FOCAD: variants seen among roughly 807,000 people sequenced by gnomAD.
The protein encoded by FOCAD is KIAA1797.
In FOCAD, 198 loss-of-function variants were observed where a neutral mutation model predicts 225.6. The observed-to-expected ratio is 0.88, with a 90% CI of 0.78 to 0.99. FOCAD has a LOEUF of 0.99. Ranked by LOEUF, FOCAD falls within the 50% of genes least tolerant of loss-of-function variation. The pLI is 0.00. For synonymous variants in FOCAD, 897 were observed against 755.0 expected (o/e 1.19, Z -3.08); for missense variants, 2,713 against 2,123.6 (o/e 1.28, Z -5.46).
At chr9:20,887,050 C>T (rs1037600455) in intron 21 of FOCAD, among the ~76,000 whole-genome samples, 7 of 152,118 alleles carry the variant, frequency 4.6e-5, no homozygotes, top group Non-Finnish European at 1.0e-4. Context: ...TCTAGAAATA[C>T]ATTTGGATTT....
intron 6 of FOCAD, among the ~76,000 whole-genome samples, chr9:20,760,189 T>A (rs1475100620): frequency 6.6e-6 from 1 of 152,212 alleles, no homozygotes; most frequent in Non-Finnish European, 1.5e-5. Flanking sequence ...CATGCTTAAG[T>A]CTCTGTGGCT....
chr9:20,748,293 T>A (rs902787425), intron 5 of FOCAD, among the ~76,000 whole-genome samples: 5 of 152,200 alleles, frequency 3.3e-5, no homozygotes, highest in Non-Finnish European at 5.9e-5. Flanking sequence ...TATAACTTTT[T>A]AAATTTTTTT....
intron 1 of FOCAD, 130 bp downstream of exon 1, chr9:20,684,423 G>A (rs1487304357): frequency 1.3e-5 from 2 of 152,586 alleles, no homozygotes; most frequent in Non-Finnish European, 2.9e-5. Context: ...GCTGAGCTGG[G>A]AGACGGGGCA....
rs762205186 is a variant in FOCAD, at chr9:20,986,442, G to A, written c.4883G>A (p.Arg1628Gln). The part of the protein sequence containing the change: ...WMILHSLYQA[R>Q]IVSHANTGVL... ...ATTCTGCACAGCTTATACCAGGCAC[G>A]GATTGTGAGCCATGCCAATACGGGT... The change falls in exon 40 of 44, where the codon CGG (arginine) becomes CAG (glutamine). Residue 1628 changes from arginine to glutamine, a missense_variant. Physicochemically the swap from Arg to Gln is conservative, Grantham distance 43 (BLOSUM62 1). Coordinates refer to ENST00000338382, the MANE Select transcript of FOCAD (RefSeq NM_001375567.1). The A allele has an allele frequency of 6.8e-6, 11 of 1,611,296 alleles. No homozygotes were observed. The highest frequency in any genetic ancestry group is 7.6e-6 in the Non-Finnish European group (9 of 1,179,134).
chr9:20,671,981 GTTT>G (rs79845693), intron 2 of FOCAD, among the ~76,000 whole-genome samples: 1 of 142,118 alleles, frequency 7.0e-6, no homozygotes, highest in East Asian at 2.0e-4. Context: ...AACCGTTGTA[GTTT>G]TTTTTTTTTT....
At chr9:20,820,164 C>T (rs1824163725) in intron 12 of FOCAD, 160 bp from the exon 13 acceptor site, 5 of 573,580 alleles carry the variant, frequency 8.7e-6, no homozygotes, top group African/African-American at 1.9e-5. Context: ...TATCTAGCCC[C>T]TCCAACGCTA....
At chr9:20,874,547 C>T in intron 18 of FOCAD, 134 bp from the exon 19 acceptor site, 1 of 790,056 alleles carries the variant, frequency 1.3e-6, no homozygotes. Flanking sequence ...AAATTAATTT[C>T]AGTGGTCTTT....
chr9:20,844,783 G>T (rs539386959), intron 15 of FOCAD, among the ~76,000 whole-genome samples: 2 of 152,036 alleles, frequency 1.3e-5, no homozygotes, highest in Non-Finnish European at 2.9e-5. Flanking sequence ...AGTAAAATTA[G>T]TATTATTAGT....
chr9:20,995,775 C>A lies in FOCAD; in HGVS notation c.*146C>A. The stretch of plus-strand genomic sequence containing the variant: ...GAAAAGATGGCCACATCACTGACAG[C>A]TTGACACATGCCTCCTAAGAGAGGA... On this transcript the variant is annotated 3_prime_UTR_variant, in exon 44 of 44. Coordinates refer to ENST00000338382, the MANE Select transcript of FOCAD (RefSeq NM_001375567.1). 2 of 620,334 alleles carry A rather than the reference C, an allele frequency of 3.2e-6. No individual in the cohort carries two copies. Among genetic ancestry groups the A allele is most frequent in the Non-Finnish European group, 5.6e-6 (2 of 359,380 alleles). 38.4% of individuals were successfully genotyped at this position (620,334 alleles called of 1,614,324 possible). A position where few individuals can be genotyped will look rare whatever the true frequency, so the allele number is the denominator to read the frequency against.
chr9:20,675,389 C>G (rs1822202983), intron 2 of FOCAD, among the ~76,000 whole-genome samples: 1 of 152,148 alleles, frequency 6.6e-6, no homozygotes, highest in African/African-American at 2.4e-5. Context: ...TTTTAAGGCA[C>G]AGTGGATTGT....
At chr9:20,754,329 A>C (rs1828845668) in intron 5 of FOCAD, among the ~76,000 whole-genome samples, 1 of 152,194 alleles carries the variant, frequency 6.6e-6, no homozygotes, top group Non-Finnish European at 1.5e-5. Context: ...TATCATACCC[A>C]AATTAGCATG....
intron 2 of FOCAD, among the ~76,000 whole-genome samples, chr9:20,671,511 A>G (rs934606797): frequency 1.3e-5 from 2 of 152,156 alleles, no homozygotes; most frequent in African/African-American, 2.4e-5. Context: ...GGAGAGCAGA[A>G]TATCTGTGTG....
chr9:20,845,600 T>C (rs1462401651), intron 15 of FOCAD, among the ~76,000 whole-genome samples: 1 of 151,872 alleles, frequency 6.6e-6, no homozygotes, highest in African/African-American at 2.4e-5. Context: ...AGAGCTAAAC[T>C]GTAGCACATA....
intron 1 of FOCAD, among the ~76,000 whole-genome samples, chr9:20,689,215 G>T (rs1321075091): frequency 3.3e-5 from 5 of 152,202 alleles, no homozygotes; most frequent in Non-Finnish European, 5.9e-5. Flanking sequence ...TTAGGGTGCA[G>T]ATGGCGTGTA....
At chr9:20,847,748 G>A (rs987066950) in intron 15 of FOCAD, among the ~76,000 whole-genome samples, 2 of 151,914 alleles carry the variant, frequency 1.3e-5, no homozygotes, top group East Asian at 1.9e-4. Flanking sequence ...CCTGTAAAAC[G>A]AAATTTAAGT....
chr9:20,981,848 A>G (rs975953988), intron 38 of FOCAD, among the ~76,000 whole-genome samples, 162 bp downstream of exon 38: 14 of 152,204 alleles, frequency 9.2e-5, no homozygotes, highest in Admixed American at 7.9e-4. Context: ...CAAGATCTAA[A>G]TTGAGGTTGA....
At chr9:20,660,661 A>C (rs1821688499) in intron 2 of FOCAD, among the ~76,000 whole-genome samples, 1 of 152,218 alleles carries the variant, frequency 6.6e-6, no homozygotes, top group Admixed American at 6.5e-5. Flanking sequence ...GAAGTGGCCA[A>C]CAGTATCAAT....
chr9:20,746,284 G>A (rs888226371), intron 5 of FOCAD, among the ~76,000 whole-genome samples: 4 of 152,156 alleles, frequency 2.6e-5, no homozygotes, highest in Admixed American at 6.5e-5. Context: ...AAAAGCAAGT[G>A]CCTAGAAGCT....
At chr9:20,983,267 A>G (rs1332889845) in intron 39 of FOCAD, among the ~76,000 whole-genome samples, 2 of 152,134 alleles carry the variant, frequency 1.3e-5, no homozygotes, top group Non-Finnish European at 2.9e-5. Flanking sequence ...CTAAGGTTTG[A>G]AAACCACTGT....
Sources: allele counts gnomAD v4.1 joint callset (sites outside exome capture counted in the v4.1 genomes callset), GRCh38; gene constraint gnomAD v4.1.1; transcripts MANE v1.5; gene names NCBI Gene and HGNC (gene_info 2026-07-23, HGNC 2026-07-21).